Variants in DLG2 observed in about 807,000 individuals in gnomAD.
DLG2 encodes the protein disks large homolog 2.
DLG2 carries 45 observed loss-of-function variants against 132.5 expected under a neutral mutation model. That is an observed-to-expected ratio of 0.34 (90% CI 0.27 to 0.44). The LOEUF (loss-of-function observed/expected upper bound fraction) is 0.44. Among genes scored for constraint, DLG2 ranks in the 20% least tolerant of loss-of-function variants. The probability of loss-of-function intolerance (pLI) is 1.00; values close to 1 mark genes in which losing one functional copy is unlikely to be tolerated. For missense variants in DLG2, 1,045 were observed against 1,196.9 expected (o/e 0.87, Z 1.87); for synonymous variants, 424 against 419.6 (o/e 1.01, Z -0.13).
chr11:84,847,503 A>T (rs1036241684), intron 6 of DLG2, among the ~76,000 whole-genome samples: 4 of 152,138 alleles, frequency 2.6e-5, no homozygotes, highest in African/African-American at 9.7e-5. Context: ...TAATGAAGGA[A>T]CTGTCCAGTT....
intron 6 of DLG2, among the ~76,000 whole-genome samples, chr11:84,608,406 C>T (rs1282026283): frequency 6.6e-6 from 1 of 152,172 alleles, no homozygotes; most frequent in African/African-American, 2.4e-5. Flanking sequence ...TCTGAAAAGG[C>T]ACTCTTCACA....
chr11:85,201,345 C>T (rs893978794), intron 4 of DLG2, among the ~76,000 whole-genome samples: 5 of 152,192 alleles, frequency 3.3e-5, no homozygotes, highest in African/African-American at 9.6e-5. Flanking sequence ...ACTTCAGCCA[C>T]TCTTGCTACA....
intron 6 of DLG2, among the ~76,000 whole-genome samples, chr11:85,090,425 T>C (rs182285655): frequency 6.6e-6 from 1 of 152,314 alleles, no homozygotes; most frequent in East Asian, 1.9e-4. Flanking sequence ...TTACTTCCTA[T>C]TTCAAAGAGT....
At chr11:84,039,207 T>A (rs2095977038) in intron 11 of DLG2, among the ~76,000 whole-genome samples, 1 of 151,996 alleles carries the variant, frequency 6.6e-6, no homozygotes, top group South Asian at 2.1e-4. Context: ...CCTCATTTTT[T>A]TTTCTAGTTA....
chr11:83,804,796 T>C (rs1349141991), intron 17 of DLG2, among the ~76,000 whole-genome samples: 1 of 152,174 alleles, frequency 6.6e-6, no homozygotes, highest in East Asian at 1.9e-4. Context: ...CCTATTCAAA[T>C]TTCCTCCGTT....
At chr11:83,662,127 C>T (rs1180835642) in intron 18 of DLG2, among the ~76,000 whole-genome samples, 1 of 151,974 alleles carries the variant, frequency 6.6e-6, no homozygotes, top group East Asian at 1.9e-4. Context: ...TCTACTAGGA[C>T]AGCCAGATTT....
At chr11:85,059,615 A>G (rs934512367) in intron 6 of DLG2, among the ~76,000 whole-genome samples, 1 of 151,720 alleles carries the variant, frequency 6.6e-6, no homozygotes, top group African/African-American at 2.4e-5. Flanking sequence ...ACAAACTGCA[A>G]CAACATAAAT....
At position 83,516,270 on chromosome 11, in the gene DLG2, C is replaced by T. The variant is rs370985053; in HGVS notation, c.2193+16438G>A. 1.1e-3 allele frequency among the ~76,000 whole-genome samples: 162 copies of T among 152,198 alleles called. 1 individual carries two copies. Among genetic ancestry groups the T allele is most frequent in the Middle Eastern group, 0.01 (3 of 294 alleles). The stretch of plus-strand genomic sequence containing the variant: ...CTTCTTGTTGAATTGATCCCTTTAC[C>T]ATTATGTAATGGCCTTCTTTGTCTG... On this transcript the variant is annotated intron_variant, in intron 21 of 27. Transcript: ENST00000376104.
chr11:84,162,190 G>A (rs2095561504), intron 9 of DLG2, among the ~76,000 whole-genome samples: 1 of 151,948 alleles, frequency 6.6e-6, no homozygotes, highest in African/African-American at 2.4e-5. Context: ...TATCATAGAA[G>A]GTTTATGAAA....
chr11:84,888,961 T>A (rs1045895939), intron 6 of DLG2, among the ~76,000 whole-genome samples: 4 of 152,142 alleles, frequency 2.6e-5, no homozygotes, highest in Non-Finnish European at 4.4e-5. Flanking sequence ...TTATGAAAGA[T>A]TGACACAATT....
At chr11:83,862,742 G>C (rs1219443476) in intron 16 of DLG2, among the ~76,000 whole-genome samples, 2 of 152,140 alleles carry the variant, frequency 1.3e-5, no homozygotes, top group African/African-American at 4.8e-5. Context: ...TACAGAGAGA[G>C]AGAAAGTGAT....
At chr11:83,509,656 C>G (rs1420912509) in intron 21 of DLG2, among the ~76,000 whole-genome samples, 1 of 152,038 alleles carries the variant, frequency 6.6e-6, no homozygotes, top group African/African-American at 2.4e-5. Flanking sequence ...AGAAATATAC[C>G]TTGTGAGTTA....
intron 15 of DLG2, among the ~76,000 whole-genome samples, chr11:83,919,255 A>G (rs920772014): frequency 3.9e-5 from 6 of 152,162 alleles, no homozygotes; most frequent in African/African-American, 1.2e-4. Context: ...CTTAGGGTCT[A>G]CAGGTACCAT....
chr11:84,717,628 T>C (rs1447746672), intron 6 of DLG2, among the ~76,000 whole-genome samples: 3 of 152,030 alleles, frequency 2.0e-5, no homozygotes, highest in African/African-American at 2.4e-5. Context: ...ATAAACAGCA[T>C]AGAGCAAAGA....
In DLG2 at chr11:85,130,801, G is replaced by GA. The variant is rs2075640540; in HGVS notation, c.283-19067dup. ...CATCCCAAGTGCATGGCCACTTGGG[G>GA]AAAAACAGTAAAGTATCAACAGTGG... On this transcript the variant is annotated intron_variant, in intron 5 of 27. Coordinates refer to ENST00000376104, the MANE Select transcript of DLG2 (RefSeq NM_001142699.3). Among the ~76,000 whole-genome samples, 3 of 152,266 alleles carry GA rather than the reference G, an allele frequency of 2.0e-5. No homozygotes were observed. In the South Asian group the frequency reaches 6.2e-4, roughly 32 times the overall value.
chr11:84,350,100 C>G (rs1294994030), intron 7 of DLG2, among the ~76,000 whole-genome samples: 7 of 151,210 alleles, frequency 4.6e-5, no homozygotes, highest in Admixed American at 2.0e-4. Context: ...ATGGCGTGAA[C>G]CCGGGAGGCG....
chr11:84,169,041 C>G (rs1229548136), intron 8 of DLG2, among the ~76,000 whole-genome samples: 2 of 152,142 alleles, frequency 1.3e-5, no homozygotes, highest in Non-Finnish European at 2.9e-5. Flanking sequence ...AGATTTGAAT[C>G]TTCTTTCCAA....
intron 15 of DLG2, among the ~76,000 whole-genome samples, chr11:83,903,700 T>C (rs2154101494): frequency 6.6e-6 from 1 of 152,190 alleles, no homozygotes; most frequent in East Asian, 1.9e-4. Flanking sequence ...AGTTGCTTTA[T>C]ATTTTCAACC....
At chr11:84,453,129 T>G (rs1052368262) in intron 7 of DLG2, among the ~76,000 whole-genome samples, 17 of 151,570 alleles carry the variant, frequency 1.1e-4, no homozygotes, top group African/African-American at 4.1e-4. Flanking sequence ...CTTGGAGATA[T>G]CTTTTAGACA....
Sources: gnomAD v4.1 joint callset for allele counts (sites outside exome capture counted in the v4.1 genomes callset) on GRCh38, gnomAD v4.1.1 for gene constraint, MANE v1.5 for transcripts, NCBI Gene and HGNC (gene_info 2026-07-23, HGNC 2026-07-21) for gene names.